KCNE1: variants seen among roughly 807,000 people sequenced by gnomAD.
The protein encoded by KCNE1 is potassium voltage-gated channel subfamily E member 1.
KCNE1 carries 1 observed loss-of-function variant against 2.9 expected under a neutral mutation model. The observed-to-expected ratio is 0.34, with a 90% CI of 0.12 to 1.62. The LOEUF is 1.62. Among genes scored for constraint, KCNE1 ranks in the 40% most tolerant of loss-of-function variants. The pLI, the probability that KCNE1 is intolerant of heterozygous loss-of-function variation, is 0.36. For synonymous variants in KCNE1, 23 were observed against 65.4 expected, an observed-to-expected ratio of 0.35 and a Z score of 3.13; for missense variants, 45 against 150.5, an observed-to-expected ratio of 0.30 and a Z score of 3.67.
intron 2 of KCNE1, among the ~76,000 whole-genome samples, chr21:34,499,902 CTCTG>C (rs1983063103): frequency 6.6e-6 from 1 of 152,182 alleles, no homozygotes; most frequent in Non-Finnish European, 1.5e-5. Context: ...CCACATACTC[CTCTG>C]TCTGTCCATT....
intron 2 of KCNE1, among the ~76,000 whole-genome samples, chr21:34,501,057 C>T (rs1018062341): frequency 3.9e-5 from 6 of 152,192 alleles, no homozygotes; most frequent in African/African-American, 1.4e-4. Flanking sequence ...TTCTGCCTGC[C>T]AATGCTGTCT....
rs940299935 is a variant in KCNE1 at position 34,511,138 on chromosome 21, G to A, written c.-199C>T. On this transcript the variant is annotated 5_prime_UTR_variant, in exon 2 of 4. Coordinates refer to ENST00000399286, the MANE Select transcript of KCNE1 (RefSeq NM_000219.6). ...CTGAAGTCTCCTCAAGCACACTGCG[G>A]TGTCCACACCATTGGCAGCAGGCTC... is the stretch of plus-strand genomic sequence containing the variant. The A allele has an allele frequency of 1.0e-6, 1 of 985,656 alleles. No individual in the cohort carries two copies. Among genetic ancestry groups the A allele is most frequent in the African/African-American group, 1.7e-5 (1 of 57,368 alleles). 61.1% of individuals were successfully genotyped at this position (985,656 alleles called of 1,614,324 possible). A position where few individuals can be genotyped will look rare whatever the true frequency, so the allele number is the denominator to read the frequency against.
intron 2 of KCNE1, chr21:34,510,645 C>G (rs372325502): frequency 6.5e-6 from 1 of 152,890 alleles, no homozygotes; most frequent in African/African-American, 2.4e-5. Flanking sequence ...CTTCCTCCCC[C>G]ACTGCCTGCC....
chr21:34,511,363 G>C, intron 1 of KCNE1, 48 bp from the exon 2 acceptor site: 1 of 938,950 alleles, frequency 1.1e-6, no homozygotes, highest in Non-Finnish European at 1.3e-6. Flanking sequence ...CAAAGCAACA[G>C]TGTTGGGAGG....
intron 1 of KCNE1, among the ~76,000 whole-genome samples, chr21:34,511,692 C>A (rs567339721): frequency 8.5e-5 from 13 of 152,340 alleles, no homozygotes; most frequent in African/African-American, 3.1e-4. Context: ...GCATGTGAGG[C>A]CCGGACGTCC....
chr21:34,505,673 C>T (rs1003049290), intron 2 of KCNE1, among the ~76,000 whole-genome samples: 1 of 152,228 alleles, frequency 6.6e-6, no homozygotes, highest in Non-Finnish European at 1.5e-5. Flanking sequence ...TCATCCTCAC[C>T]GCAATCCCTA....
intron 2 of KCNE1, among the ~76,000 whole-genome samples, chr21:34,509,191 G>T (rs1254276264): frequency 6.6e-6 from 1 of 152,208 alleles, no homozygotes; most frequent in Non-Finnish European, 1.5e-5. Flanking sequence ...AACTAATGCA[G>T]AACTCACCAG....
intron 2 of KCNE1, among the ~76,000 whole-genome samples, chr21:34,499,988 AT>A (rs1465907672): frequency 2.0e-5 from 3 of 152,040 alleles, no homozygotes; most frequent in Non-Finnish European, 2.9e-5. Flanking sequence ...ATTTATTTTT[AT>A]TTTTTATAGA....
intron 2 of KCNE1, among the ~76,000 whole-genome samples, chr21:34,497,793 T>C (rs1443014466): frequency 6.6e-6 from 1 of 152,254 alleles, no homozygotes; most frequent in Non-Finnish European, 1.5e-5. Context: ...ATTTCTCTTT[T>C]TACTCAAGAA....
At chr21:34,500,025 G>T (rs1363565330) in intron 2 of KCNE1, among the ~76,000 whole-genome samples, 2 of 152,108 alleles carry the variant, frequency 1.3e-5, no homozygotes, top group African/African-American at 4.8e-5. Flanking sequence ...TGTTGCCCAG[G>T]TTGGTCTTGA....
intron 2 of KCNE1, among the ~76,000 whole-genome samples, chr21:34,501,095 G>T (rs987566046): frequency 6.6e-6 from 1 of 152,176 alleles, no homozygotes; most frequent in African/African-American, 2.4e-5. Flanking sequence ...GGGATTAAGC[G>T]TGTGTATAAT....
At chr21:34,500,425 T>C (rs1182735416) in intron 2 of KCNE1, among the ~76,000 whole-genome samples, 1 of 152,264 alleles carries the variant, frequency 6.6e-6, no homozygotes, top group African/African-American at 2.4e-5. Context: ...TGCCATGTTA[T>C]CAGTTTGATA....
At chr21:34,506,734 C>G (rs1471150605) in intron 2 of KCNE1, among the ~76,000 whole-genome samples, 1 of 152,206 alleles carries the variant, frequency 6.6e-6, no homozygotes, top group African/African-American at 2.4e-5. Flanking sequence ...CATTGGCAAA[C>G]TAGCTGGGGA....
chr21:34,499,668 G>T (rs538248444), intron 2 of KCNE1, among the ~76,000 whole-genome samples: 1 of 152,184 alleles, frequency 6.6e-6, no homozygotes, highest in South Asian at 2.1e-4. Context: ...CTGTAGATAC[G>T]GTTAAATCCT....
chr21:34,508,653 T>C (rs937674675), intron 2 of KCNE1, among the ~76,000 whole-genome samples: 1 of 152,250 alleles, frequency 6.6e-6, no homozygotes, highest in Non-Finnish European at 1.5e-5. Context: ...TGGGGTTTTT[T>C]AATTTTCACT....
chr21:34,504,673 G>T (rs752911695), intron 2 of KCNE1, among the ~76,000 whole-genome samples: 2 of 152,170 alleles, frequency 1.3e-5, no homozygotes, highest in Non-Finnish European at 2.9e-5. Context: ...ACTGATGAAT[G>T]AACTGACACA....
intron 2 of KCNE1, among the ~76,000 whole-genome samples, chr21:34,495,426 A>G (rs1601091766): frequency 3.9e-5 from 1 of 25,710 alleles, no homozygotes; most frequent in Admixed American, 4.3e-4. Flanking sequence ...CTCTTTCTCT[A>G]TCTTTTGGAA....
At chr21:34,498,066 C>T (rs1330811623) in intron 2 of KCNE1, among the ~76,000 whole-genome samples, 3 of 151,988 alleles carry the variant, frequency 2.0e-5, no homozygotes, top group African/African-American at 7.3e-5. Context: ...ATCTATTTAT[C>T]TGGAGAATTT....
intron 2 of KCNE1, among the ~76,000 whole-genome samples, chr21:34,503,060 A>G (rs1469434347): frequency 1.3e-5 from 2 of 152,112 alleles, no homozygotes; most frequent in African/African-American, 4.8e-5. Context: ...GATGCTAACT[A>G]CCCAAAGATG....
Sources: allele counts gnomAD v4.1 joint callset (sites outside exome capture counted in the v4.1 genomes callset), GRCh38; gene constraint gnomAD v4.1.1; transcripts MANE v1.5; gene names NCBI Gene and HGNC (gene_info 2026-07-23, HGNC 2026-07-21).